The following TENM3 variants were observed in gnomAD, a reference collection of about 807,000 sequenced individuals.
The protein encoded by TENM3 is teneurin-3.
In TENM3, 63 loss-of-function variants were observed where a neutral mutation model predicts 255.1. That is an observed-to-expected ratio of 0.25 (90% CI 0.20 to 0.30). The LOEUF (loss-of-function observed/expected upper bound fraction) is 0.30. Ranked by LOEUF, TENM3 falls within the 10% of genes least tolerant of loss-of-function variation. The probability of loss-of-function intolerance (pLI) is 1.00; values close to 1 mark genes in which losing one functional copy is unlikely to be tolerated. For synonymous variants in TENM3, 1,306 were observed against 1,322.3 expected (o/e 0.99, Z 0.27); for missense variants, 2,929 against 3,461.1 (o/e 0.85, Z 3.86).
the TENM3 span, among the ~76,000 whole-genome samples, chr4:182,123,738 G>T: frequency 2.0e-5 from 3 of 152,138 alleles, no homozygotes; most frequent in African/African-American, 4.8e-5. Context: ...ACAGAGACAC[G>T]AAGTGAGCAC....
At chr4:182,713,468 A>G (rs1164840647) in intron 12 of TENM3, among the ~76,000 whole-genome samples, 1 of 152,180 alleles carries the variant, frequency 6.6e-6, no homozygotes, top group African/African-American at 2.4e-5. Context: ...GTGACAAGGA[A>G]TGTACTCTTG....
At chr4:182,206,993 T>G (rs193192580) in intron 1 of TENM3, among the ~76,000 whole-genome samples, 1 of 152,232 alleles carries the variant, frequency 6.6e-6, no homozygotes, top group Non-Finnish European at 1.5e-5. Flanking sequence ...GAAATTTGTT[T>G]GCTAAATCAT....
the TENM3 span, among the ~76,000 whole-genome samples, chr4:181,501,055 G>A: frequency 1.3e-5 from 2 of 152,082 alleles, no homozygotes; most frequent in African/African-American, 2.4e-5. Context: ...CTGGCTTCCC[G>A]CCCACCTCAT....
intron 23 of TENM3, among the ~76,000 whole-genome samples, chr4:182,774,538 G>A (rs892409648): frequency 6.6e-6 from 1 of 152,210 alleles, no homozygotes; most frequent in African/African-American, 2.4e-5. Context: ...GGGTGCAGGG[G>A]AGGGAAGTCT....
the TENM3 span, among the ~76,000 whole-genome samples, chr4:182,109,101 G>A: frequency 6.7e-6 from 1 of 150,134 alleles, no homozygotes; most frequent in Non-Finnish European, 1.5e-5. Flanking sequence ...CTAATATTAG[G>A]CTAAAAAAGA....
At position 182,205,444 on chromosome 4, in the gene TENM3, C is replaced by T. The variant is rs1754490189; in HGVS notation, c.-76+60690C>T. Among the ~76,000 whole-genome samples the T allele has an allele frequency of 2.0e-5, 3 of 152,242 alleles. No individual in the cohort carries two copies. The South Asian group carries it at 6.2e-4, about 32-fold the overall frequency. On this transcript the variant is annotated intron_variant, in intron 1 of 2. Transcript: ENST00000512480. ...CCATGTGCCTCTGACACGCCCCTCT[C>T]CCAGCACACTGGCCTCAGGGCCTTG...
Position 182,628,826 on chromosome 4 carries a change from T to C in TENM3, c.925T>C (p.Cys309Arg). 6.2e-7 allele frequency: 1 copy of C among 1,611,282 alleles called. No individual in the cohort carries two copies. Among genetic ancestry groups the C allele is most frequent in the Admixed American group, 1.7e-5 (1 of 59,650 alleles). ...GTCTTCAAAGTACTGTAGCTGGAAA[T>C]GCACTGCACTGTGTGCCGTAGGGGT... ...KKSSKYCSWKCTALCAVGVSV... is the reference protein window; with the variant it reads ...KKSSKYCSWKRTALCAVGVSV... The change falls in exon 5 of 28, where the codon TGC (cysteine) becomes CGC (arginine). Residue 309 changes from cysteine to arginine, a missense_variant. Physicochemically the swap from Cys to Arg is radical, Grantham distance 180. Around this residue, in one of 6 missense-constraint regions of TENM3, gnomAD observed 1,608 missense variants for 1,884.4 expected, o/e 0.85. Transcript: ENST00000511685.
chr4:182,689,045 C>T (rs1434905981), intron 12 of TENM3, among the ~76,000 whole-genome samples: 1 of 152,116 alleles, frequency 6.6e-6, no homozygotes, highest in Non-Finnish European at 1.5e-5. Context: ...ACATATATAT[C>T]ATGTTTTCAA....
the TENM3 span, among the ~76,000 whole-genome samples, chr4:181,476,213 T>TGTTTTG: frequency 0.1 from 8,655 of 83,930 alleles, 372 homozygotes; most frequent in Non-Finnish European, 0.18. Flanking sequence ...GGGGTTTTTT[T>TGTTTTG]TTTTTTTTTT....
At chr4:182,201,082 C>T (rs1431671205) in intron 1 of TENM3, among the ~76,000 whole-genome samples, 5 of 152,056 alleles carry the variant, frequency 3.3e-5, no homozygotes, top group Non-Finnish European at 7.4e-5. Flanking sequence ...GCCTTGGCCT[C>T]CCAAAGTTCT....
chr4:182,449,771 C>G (rs758198522), intron 3 of TENM3, among the ~76,000 whole-genome samples: 1 of 152,174 alleles, frequency 6.6e-6, no homozygotes, highest in Non-Finnish European at 1.5e-5. Flanking sequence ...TTTAATAGAG[C>G]AGTCTCTCAG....
chr4:182,396,386 T>C (rs753607181), intron 3 of TENM3, among the ~76,000 whole-genome samples: 4 of 152,230 alleles, frequency 2.6e-5, no homozygotes, highest in Non-Finnish European at 5.9e-5. Context: ...CATTTACTTA[T>C]TGAAATCCTC....
At chr4:181,688,251 T>A in the TENM3 span, among the ~76,000 whole-genome samples, 2 of 152,144 alleles carry the variant, frequency 1.3e-5, no homozygotes, top group African/African-American at 4.8e-5. Context: ...TAACCCAAAA[T>A]TGAGCATGGT....
At chr4:182,330,911 AGT>A (rs1395372745) in intron 2 of TENM3, among the ~76,000 whole-genome samples, 1 of 152,238 alleles carries the variant, frequency 6.6e-6, no homozygotes, top group Admixed American at 6.5e-5. Flanking sequence ...GAAAAGTAAA[AGT>A]GTTCCAAATT....
rs560909463 is a variant in TENM3 at position 182,333,034 on chromosome 4, C to T, written c.232+8782C>T. On this transcript the variant is annotated intron_variant, in intron 2 of 27. Transcript: ENST00000511685. ...GAAGATGGAGCAAACTTGTCAACAC[C>T]AATTATTTCAGACAAGATGAGAAAG... Among the ~76,000 whole-genome samples the T allele has an allele frequency of 2.6e-5, 4 of 152,116 alleles. No homozygotes were observed. In the South Asian group the frequency reaches 8.3e-4, roughly 32 times the overall value.
chr4:182,654,686 G>A (rs139390173), intron 6 of TENM3, among the ~76,000 whole-genome samples: 9 of 152,026 alleles, frequency 5.9e-5, no homozygotes, highest in African/African-American at 2.2e-4. Flanking sequence ...CTTCCTCTTT[G>A]TTTCTTGTCT....
chr4:182,547,132 CAG>C (rs2151913604), intron 3 of TENM3, among the ~76,000 whole-genome samples: 1 of 152,218 alleles, frequency 6.6e-6, no homozygotes, highest in South Asian at 2.1e-4. Context: ...TTTAGCAGAA[CAG>C]AGAATTACGG....
At chr4:181,514,893 G>A in the TENM3 span, among the ~76,000 whole-genome samples, 3 of 152,150 alleles carry the variant, frequency 2.0e-5, no homozygotes, top group Admixed American at 1.3e-4. Flanking sequence ...ATATATTACA[G>A]CAACACCTTG....
chr4:181,854,660 T>A, the TENM3 span, among the ~76,000 whole-genome samples: 1 of 152,232 alleles, frequency 6.6e-6, no homozygotes, highest in Admixed American at 6.5e-5. Flanking sequence ...TAGTGTTCCA[T>A]TACTCTTTTC....
Sources: allele counts gnomAD v4.1 joint callset (sites outside exome capture counted in the v4.1 genomes callset), GRCh38; gene constraint gnomAD v4.1.1; regional missense constraint gnomAD v4.1.1; transcripts MANE v1.5; gene names NCBI Gene and HGNC (gene_info 2026-07-23, HGNC 2026-07-21).